The following AGAP1 variants were observed in gnomAD, a reference collection of about 807,000 sequenced individuals.
AGAP1 encodes arf-GAP with GTPase, ANK repeat and PH domain-containing protein 1.
Under a neutral mutation model 105.3 loss-of-function variants are expected in AGAP1, and 29 were observed. The observed-to-expected ratio is 0.28, with a 90% CI of 0.21 to 0.38. AGAP1 has a LOEUF of 0.38. AGAP1 is among the 10% of genes least tolerant of loss of function. AGAP1 has a pLI of 1.00. For synonymous variants in AGAP1, 509 were observed against 485.9 expected (o/e 1.05, Z -0.63); for missense variants, 998 against 1,165.1 (o/e 0.86, Z 2.09).
rs757580997 is a variant in AGAP1, at chr2:235,875,287, C to T, written c.1051-8058C>T. Among the ~76,000 whole-genome samples the T allele has an allele frequency of 2.0e-5, 3 of 152,144 alleles. No homozygotes were observed. Among genetic ancestry groups the T allele is most frequent in the African/African-American group, 4.8e-5 (2 of 41,422 alleles). ...GGACTAACAACAATTGTAATAAAAT[C>T]GATGGTATTTTAAATTGTTGGGATG... On this transcript the variant is annotated intron_variant, in intron 9 of 17. Coordinates refer to ENST00000304032, the MANE Select transcript of AGAP1 (RefSeq NM_001037131.3). The surrounding 1 kb of genome is among the most constrained non-coding windows in gnomAD (Gnocchi z 4.0).
In AGAP1 at chr2:235,991,428, A is replaced by C. The variant is rs548220038; in HGVS notation, c.1645+22805A>C. Among the ~76,000 whole-genome samples, 76 of 152,296 alleles carry C rather than the reference A, an allele frequency of 5.0e-4. 1 individual carries two copies. The South Asian group carries it at 0.016, about 32-fold the overall frequency. ...CAGCAAATATGAAGGCAGGCTAATA[A>C]AAATGCATATCACTCTAACAGTTTC... On this transcript the variant is annotated intron_variant, in intron 13 of 17. Transcript: ENST00000304032.
At position 235,842,799 on chromosome 2, in the gene AGAP1, T is replaced by C. The variant is rs188015494; in HGVS notation, c.1050+35468T>C. Among the ~76,000 whole-genome samples the C allele has an allele frequency of 1.3e-5, 2 of 152,138 alleles. No individual in the cohort carries two copies. Among genetic ancestry groups the C allele is most frequent in the South Asian group, 2.1e-4 (1 of 4,816 alleles). ...CCCGAGTGCAGTGGCACGGTCTTGGTTCACTGCAACCTCTGCCTCCCAGGT... is the reference window on the plus strand; with the variant it reads ...CCCGAGTGCAGTGGCACGGTCTTGGCTCACTGCAACCTCTGCCTCCCAGGT... On this transcript the variant is annotated intron_variant, in intron 9 of 17. Transcript: ENST00000304032. This position sits in a 1 kb window ranked among gnomAD's most constrained non-coding sequence, Gnocchi z 5.3.
chr2:235,544,016 A>G (rs890764848), intron 1 of AGAP1, among the ~76,000 whole-genome samples: 6 of 152,132 alleles, frequency 3.9e-5, no homozygotes, highest in African/African-American at 1.2e-4. Context: ...GCCGTGCCCC[A>G]TTCCTCATGT....
Position 235,843,955 on chromosome 2 carries a change from G to A in AGAP1, c.1050+36624G>A, listed in dbSNP as rs1961167258. 6.6e-6 allele frequency among the ~76,000 whole-genome samples: 1 copy of A among 152,224 alleles called. No individual in the cohort carries two copies. Among genetic ancestry groups the A allele is most frequent in the African/African-American group, 2.4e-5 (1 of 41,456 alleles). On this transcript the variant is annotated intron_variant, in intron 9 of 17. Coordinates refer to ENST00000304032, the MANE Select transcript of AGAP1 (RefSeq NM_001037131.3). The surrounding 1 kb of genome is among the most constrained non-coding windows in gnomAD (Gnocchi z 5.9). The stretch of plus-strand genomic sequence containing the variant: ...AGCATGGCCTCACATTGTCATCAGT[G>A]TCACTCAGGACCTTGCCCGCTGCCC...
At chr2:235,816,720 A>C (rs1422555012) in intron 9 of AGAP1, among the ~76,000 whole-genome samples, 1 of 151,896 alleles carries the variant, frequency 6.6e-6, no homozygotes, top group Non-Finnish European at 1.5e-5. Flanking sequence ...GCAAAAACCC[A>C]TCTCTACTAA....
At chr2:235,499,961 C>T (rs191171353) in intron 1 of AGAP1, among the ~76,000 whole-genome samples, 101 of 152,164 alleles carry the variant, frequency 6.6e-4, no homozygotes, top group African/African-American at 2.3e-3. Context: ...AATGTTTATA[C>T]GCTGCAGAAG....
chr2:235,644,357 G>A (rs1292032883), intron 1 of AGAP1, among the ~76,000 whole-genome samples: 2 of 152,182 alleles, frequency 1.3e-5, no homozygotes, highest in African/African-American at 4.8e-5. Context: ...TCACGGATGT[G>A]TGTGTGTCTG....
intron 9 of AGAP1, among the ~76,000 whole-genome samples, chr2:235,851,603 A>G (rs1011258362): frequency 1.3e-5 from 2 of 152,018 alleles, no homozygotes; most frequent in African/African-American, 4.8e-5. Flanking sequence ...GAGCGCCAGG[A>G]TGCCCGCGGC....
At chr2:235,759,990 C>T (rs1030203444) in intron 6 of AGAP1, among the ~76,000 whole-genome samples, 24 of 151,972 alleles carry the variant, frequency 1.6e-4, no homozygotes, top group African/African-American at 5.8e-4. Flanking sequence ...AAATTCTTAC[C>T]CTCATGAAGC....
chr2:235,891,732 C>A lies in AGAP1; in HGVS notation c.1155+8283C>A, dbSNP rs13388120. On this transcript the variant is annotated intron_variant, in intron 10 of 17. Coordinates refer to ENST00000304032, the MANE Select transcript of AGAP1 (RefSeq NM_001037131.3). The surrounding 1 kb of genome is among the most constrained non-coding windows in gnomAD (Gnocchi z 4.2). ...GCCAAGGACTTCAAGGTGCCCCTGT[C>A]TAGGAAAGCTCACCAGTGTTCCGGT... Among the ~76,000 whole-genome samples, 1,579 of 152,268 alleles carry A rather than the reference C, an allele frequency of 0.01. 27 individuals carry two copies. Among genetic ancestry groups the A allele is most frequent in the African/African-American group, 0.037 (1,526 of 41,560 alleles).
At chr2:235,809,782 A>G (rs557610801) in intron 9 of AGAP1, among the ~76,000 whole-genome samples, 43 of 152,292 alleles carry the variant, frequency 2.8e-4, no homozygotes, top group African/African-American at 9.9e-4. Context: ...CAGTGTGGAA[A>G]TGAAATGAGA....
rs1002957160 is a variant in AGAP1, at chr2:236,051,621, G to A, written c.2114+2340G>A. Among the ~76,000 whole-genome samples, 2 of 152,192 alleles carry A rather than the reference G, an allele frequency of 1.3e-5. No homozygotes were observed. ...GACGGGAGCCTCCCATGAATGAGGAGGAGCAGGAATGGGGGAGGCCCAAAG... is the reference window on the plus strand; with the variant it reads ...GACGGGAGCCTCCCATGAATGAGGAAGAGCAGGAATGGGGGAGGCCCAAAG... On this transcript the variant is annotated intron_variant, in intron 16 of 17. Transcript: ENST00000304032. The surrounding 1 kb of genome is among the most constrained non-coding windows in gnomAD (Gnocchi z 5.9).
intron 6 of AGAP1, chr2:235,774,492 A>G (rs1363993266): frequency 2.5e-6 from 1 of 394,034 alleles, no homozygotes; most frequent in African/African-American, 2.1e-5. Flanking sequence ...TGGGAAAATA[A>G]GATTCCAAAC....
In AGAP1 at chr2:236,049,163, C is replaced by T. The variant is rs79478544; in HGVS notation, c.1996C>T (p.Leu666=). 922 of 1,614,220 alleles carry T rather than the reference C, an allele frequency of 5.7e-4. 6 individuals carry two copies. The African/African-American group carries it at 0.011, about 19-fold the overall frequency. ...THLSRVRSLD[L]DDWPVELIKV... ...CCTTTCCCGAGTCCGATCTCTGGAC[C>T]TGGATGACTGGCCAGTCGAGCTCAT... Residue 666 remains leucine (L), a synonymous_variant, in exon 16 of 18, where the codon CTG becomes TTG. Transcript: ENST00000304032.
chr2:235,686,665 A>ATT lies in AGAP1; in HGVS notation c.164-22500_164-22499dup, dbSNP rs1200927776. Among the ~76,000 whole-genome samples the ATT allele has an allele frequency of 7.4e-4, 57 of 77,488 alleles. 2 individuals carry two copies. The highest frequency in any genetic ancestry group is 8.2e-3 in the Middle Eastern group (1 of 122). 50.8% of individuals were successfully genotyped at this position (77,488 alleles called of 152,430 possible). ...TATATAGATATATATATATATATAT[A>ATT]TTTTTTTTTTTTTTTAGACAGAGTC... is the stretch of plus-strand genomic sequence containing the variant. On this transcript the variant is annotated intron_variant, in intron 1 of 17. Coordinates refer to ENST00000304032, the MANE Select transcript of AGAP1 (RefSeq NM_001037131.3).
intron 16 of AGAP1, among the ~76,000 whole-genome samples, chr2:236,085,953 C>T (rs567869049): frequency 1.3e-5 from 2 of 152,370 alleles, no homozygotes; most frequent in East Asian, 3.9e-4. Context: ...ATGGCAGCAA[C>T]GCTGACCACA....
At chr2:236,115,337 A>C (rs2059745793) in intron 16 of AGAP1, among the ~76,000 whole-genome samples, 1 of 150,554 alleles carries the variant, frequency 6.6e-6, no homozygotes, top group Admixed American at 6.6e-5. Flanking sequence ...TCCTCATTTG[A>C]CAGATGAGGA....
intron 1 of AGAP1, among the ~76,000 whole-genome samples, chr2:235,588,224 G>A (rs572981011): frequency 2.8e-5 from 3 of 108,012 alleles, no homozygotes; most frequent in African/African-American, 4.0e-5. Flanking sequence ...GTGAGACTCC[G>A]TCTCAAAAAA....
In AGAP1 at chr2:235,882,305, C is replaced by A. The variant is rs2050065031; in HGVS notation, c.1051-1040C>A. ...CGTGTCCATCTTGCAGGTCGCTCTT[C>A]CTCCACATCACAACTGGGGTCTTAA... On this transcript the variant is annotated intron_variant, in intron 9 of 17. Transcript: ENST00000304032. The surrounding 1 kb of genome is among the most constrained non-coding windows in gnomAD (Gnocchi z 4.6). 1 of 739,680 alleles carries A rather than the reference C, an allele frequency of 1.4e-6. No homozygotes were observed. Among genetic ancestry groups the A allele is most frequent in the Admixed American group, 2.4e-5 (1 of 41,476 alleles). The allele number at this position is 739,680 out of a possible 1,614,324, so 45.8% of individuals were successfully genotyped here. A position where few individuals can be genotyped will look rare whatever the true frequency, so the allele number is the denominator to read the frequency against.
Sources: allele counts gnomAD v4.1 joint callset (sites outside exome capture counted in the v4.1 genomes callset), GRCh38; gene constraint gnomAD v4.1.1; non-coding constraint Gnocchi (gnomAD v3.1); transcripts MANE v1.5; gene names NCBI Gene and HGNC (gene_info 2026-07-23, HGNC 2026-07-21).